Variants in MINDY2 observed in about 807,000 individuals in gnomAD.
The protein encoded by MINDY2 is MINDY lysine 48 deubiquitinase 2, also known as ubiquitin carboxyl-terminal hydrolase MINDY-2.
Under a neutral mutation model 68.2 loss-of-function variants are expected in MINDY2, and 52 were observed. The observed-to-expected ratio is 0.76, with a 90% confidence interval of 0.61 to 0.96. The LOEUF is 0.96. MINDY2 is among the 40% of genes least tolerant of loss of function. The probability of loss-of-function intolerance (pLI) is 0.00; values close to 1 mark genes in which losing one functional copy is unlikely to be tolerated. For missense variants in MINDY2, 881 were observed against 773.4 expected (o/e 1.14, Z -1.65); for synonymous variants, 372 against 303.0 (o/e 1.23, Z -2.36).
At chr15:58,785,210 C>A (rs1901414980) in intron 1 of MINDY2, among the ~76,000 whole-genome samples, 1 of 144,408 alleles carries the variant, frequency 6.9e-6, no homozygotes, top group South Asian at 2.3e-4. Context: ...TAATTAAGAT[C>A]TGTGGATGGC....
At position 58,847,337 on chromosome 15, in the gene MINDY2, C is replaced by G; in HGVS notation, c.1409C>G (p.Thr470Ser). Residue 470 changes from threonine (T) to serine (S), a missense_variant, in exon 7 of 9, where the codon ACT (threonine) becomes AGT (serine). Coordinates refer to ENST00000559228, the MANE Select transcript of MINDY2 (RefSeq NM_001040450.3). ...YLLVTDQGFL[T>S]EEKVVWESLH... ...TTGGTAACGGACCAGGGGTTTCTTA[C>G]TGAAGAGAAAGTTGTTTGGGAAAGC... The G allele has an allele frequency of 6.3e-7, 1 of 1,594,890 alleles. No individual in the cohort carries two copies. The highest frequency in any genetic ancestry group is 8.6e-7 in the Non-Finnish European group (1 of 1,165,562).
chr15:58,785,162 A>C (rs1901410279), intron 1 of MINDY2, among the ~76,000 whole-genome samples: 1 of 96,410 alleles, frequency 1.0e-5, no homozygotes, highest in Non-Finnish European at 2.0e-5. Flanking sequence ...AAAAAAAGAA[A>C]AGCAAGCTTT....
At chr15:58,803,945 GAAA>G (rs34082956) in intron 3 of MINDY2, among the ~76,000 whole-genome samples, 56 of 77,230 alleles carry the variant, frequency 7.3e-4, no homozygotes, top group South Asian at 3.1e-3. Flanking sequence ...CAGCTCTACT[GAAA>G]AAAAAAAAAA....
intron 2 of MINDY2, among the ~76,000 whole-genome samples, chr15:58,793,531 A>G (rs1482644184): frequency 6.6e-6 from 1 of 152,212 alleles, no homozygotes; most frequent in Non-Finnish European, 1.5e-5. Context: ...AATATACAAC[A>G]AAAAATAATT....
chr15:58,773,757 G>A (rs1900591324), intron 1 of MINDY2, among the ~76,000 whole-genome samples: 1 of 151,952 alleles, frequency 6.6e-6, no homozygotes, highest in African/African-American at 2.4e-5. Context: ...TTTTAAGGAA[G>A]AGAATTTAGA....
intron 3 of MINDY2, among the ~76,000 whole-genome samples, chr15:58,803,431 A>G (rs369778436): frequency 1.1e-3 from 163 of 151,636 alleles, no homozygotes; most frequent in African/African-American, 3.9e-3. Flanking sequence ...TCGCGCCACT[A>G]TGATCCAGGC....
rs543910203 is a variant in MINDY2 at position 58,788,546 on chromosome 15, A to G, written c.898+583A>G. On this transcript the variant is annotated intron_variant, in intron 2 of 8. Transcript: ENST00000559228. ...CTCTAAGCTTCTTATTTCAAAACAG[A>G]CCAGTAGTACAGTTTGTAGACTGGC... Among the ~76,000 whole-genome samples, 6 of 152,318 alleles carry G rather than the reference A, an allele frequency of 3.9e-5. No individual in the cohort carries two copies. In the East Asian group the frequency reaches 9.6e-4, roughly 24 times the overall value.
intron 5 of MINDY2, among the ~76,000 whole-genome samples, chr15:58,823,688 A>G (rs1245592391): frequency 6.6e-6 from 1 of 151,972 alleles, no homozygotes; most frequent in African/African-American, 2.4e-5. Context: ...ACAAAACAAA[A>G]CAAAAAACAG....
intron 2 of MINDY2, among the ~76,000 whole-genome samples, chr15:58,790,693 G>T (rs1901828828): frequency 6.6e-6 from 1 of 152,142 alleles, no homozygotes; most frequent in Non-Finnish European, 1.5e-5. Flanking sequence ...GAAGTGGTTA[G>T]ATACTGGATA....
intron 4 of MINDY2, among the ~76,000 whole-genome samples, chr15:58,811,870 G>C (rs1484964098): frequency 6.6e-6 from 1 of 152,150 alleles, no homozygotes; most frequent in Non-Finnish European, 1.5e-5. Flanking sequence ...AAATAGGTTA[G>C]AGTCTTCTCT....
intron 1 of MINDY2, among the ~76,000 whole-genome samples, chr15:58,775,428 A>T (rs1316033079): frequency 1.3e-5 from 2 of 152,208 alleles, no homozygotes; most frequent in African/African-American, 4.8e-5. Flanking sequence ...GACTTTATAT[A>T]TAGCTGATAT....
intron 1 of MINDY2, among the ~76,000 whole-genome samples, chr15:58,783,697 G>T (rs532947594): frequency 1.3e-5 from 2 of 152,290 alleles, no homozygotes; most frequent in South Asian, 2.1e-4. Flanking sequence ...ACTTCAGGAG[G>T]CTGAGGCAGG....
intron 6 of MINDY2, among the ~76,000 whole-genome samples, chr15:58,836,678 C>G (rs982617340): frequency 1.3e-5 from 2 of 152,130 alleles, no homozygotes; most frequent in South Asian, 2.1e-4. Flanking sequence ...GAGTGCGCTG[C>G]TGCAATCTCA....
chr15:58,836,500 C>A (rs1354500032), intron 6 of MINDY2, among the ~76,000 whole-genome samples: 5 of 152,142 alleles, frequency 3.3e-5, no homozygotes, highest in Non-Finnish European at 5.9e-5. Flanking sequence ...ATTATTTATG[C>A]CCCATTACAA....
intron 6 of MINDY2, among the ~76,000 whole-genome samples, chr15:58,846,049 G>A (rs2032512231): frequency 1.3e-5 from 2 of 150,624 alleles, no homozygotes; most frequent in Non-Finnish European, 2.9e-5. Flanking sequence ...CAGAGGCTGG[G>A]ATGCATATTT....
chr15:58,804,287 A>G (rs1185177053), intron 3 of MINDY2, among the ~76,000 whole-genome samples: 1 of 152,214 alleles, frequency 6.6e-6, no homozygotes, highest in Non-Finnish European at 1.5e-5. Flanking sequence ...AGCTTCCAAT[A>G]TATAAAACCA....
intron 5 of MINDY2, among the ~76,000 whole-genome samples, chr15:58,829,535 T>G (rs1389164656): frequency 2.0e-5 from 3 of 152,204 alleles, no homozygotes; most frequent in African/African-American, 7.2e-5. Flanking sequence ...CACACTAACA[T>G]GAAAGTAATG....
intron 7 of MINDY2, among the ~76,000 whole-genome samples, chr15:58,848,831 A>C (rs1190400779): frequency 6.6e-6 from 1 of 152,190 alleles, no homozygotes; most frequent in Non-Finnish European, 1.5e-5. Flanking sequence ...AGTCGTGCTC[A>C]TTTTCCTTCA....
chr15:58,796,738 G>A (rs1902312085), intron 2 of MINDY2, among the ~76,000 whole-genome samples: 1 of 152,190 alleles, frequency 6.6e-6, no homozygotes, highest in South Asian at 2.1e-4. Context: ...GGCCGGGCTG[G>A]TCTTGAATTC....
Sources: allele counts gnomAD v4.1 joint callset (sites outside exome capture counted in the v4.1 genomes callset), GRCh38; gene constraint gnomAD v4.1.1; transcripts MANE v1.5; gene names NCBI Gene and HGNC (gene_info 2026-07-23, HGNC 2026-07-21).